The following CTNNBL1 variants were observed in gnomAD, a reference collection of about 807,000 sequenced individuals.
The protein encoded by CTNNBL1 is catenin beta like 1, also known as beta-catenin-like protein 1.
Under a neutral mutation model 72.7 loss-of-function variants are expected in CTNNBL1, and 31 were observed. The observed-to-expected ratio is 0.43, with a 90% CI of 0.32 to 0.58. The LOEUF is 0.58. CTNNBL1 is among the 20% of genes least tolerant of loss of function. CTNNBL1 has a pLI of 0.08. For synonymous variants in CTNNBL1, 240 were observed against 267.3 expected (o/e 0.90, Z 1.00); for missense variants, 534 against 725.1 (o/e 0.74, Z 3.03).
chr20:37,712,014 G>A lies in CTNNBL1; in HGVS notation c.30+17862G>A, dbSNP rs6125957. Among the ~76,000 whole-genome samples, 429 of 152,346 alleles carry A rather than the reference G, an allele frequency of 2.8e-3. 5 individuals carry two copies. Among genetic ancestry groups the A allele is most frequent in the East Asian group, 0.017 (88 of 5,178 alleles). ...TTTAAAAGATGGCTTCATCTACAGA[G>A]TGGAGAATTGTAGAGGAGCATTCTG... On this transcript the variant is annotated intron_variant, in intron 1 of 15. Transcript: ENST00000361383.
chr20:37,842,326 A>G lies in CTNNBL1; in HGVS notation c.1312-13A>G. 6.3e-7 allele frequency: 1 copy of G among 1,595,074 alleles called. No homozygotes were observed. Among genetic ancestry groups the G allele is most frequent in the East Asian group, 2.2e-5 (1 of 44,788 alleles). ...TTTCCTTCTCACTCAAGCCTGTGAA[A>G]TCTCTCTTTCAGGTTGACAGACTAA... is the stretch of plus-strand genomic sequence containing the variant. On this transcript the variant is annotated splice_polypyrimidine_tract_variant and intron_variant, in intron 12 of 15. Coordinates refer to ENST00000361383, the MANE Select transcript of CTNNBL1 (RefSeq NM_030877.5).
intron 11 of CTNNBL1, among the ~76,000 whole-genome samples, chr20:37,828,427 T>A (rs532718191): frequency 6.6e-6 from 1 of 152,174 alleles, no homozygotes; most frequent in Non-Finnish European, 1.5e-5. Context: ...ATATTTTAAC[T>A]CTTGAGGAAA....
intron 13 of CTNNBL1, among the ~76,000 whole-genome samples, chr20:37,852,501 T>C (rs966337734): frequency 4.6e-5 from 7 of 152,192 alleles, no homozygotes; most frequent in African/African-American, 1.7e-4. Flanking sequence ...GAGGCATTTC[T>C]CATAGTGGCT....
chr20:37,800,019 A>T (rs2073810809), intron 10 of CTNNBL1, among the ~76,000 whole-genome samples: 1 of 152,204 alleles, frequency 6.6e-6, no homozygotes, highest in South Asian at 2.1e-4. Flanking sequence ...CTGGCTGGCT[A>T]GTCTGACCCA....
intron 1 of CTNNBL1, among the ~76,000 whole-genome samples, chr20:37,709,114 C>A (rs2072915326): frequency 6.6e-6 from 1 of 151,798 alleles, no homozygotes; most frequent in Non-Finnish European, 1.5e-5. Context: ...TCCAGCCTGG[C>A]AACAGAGCAA....
At chr20:37,732,009 A>G (rs1600450676) in intron 1 of CTNNBL1, among the ~76,000 whole-genome samples, 1 of 152,118 alleles carries the variant, frequency 6.6e-6, no homozygotes, top group Admixed American at 6.5e-5. Flanking sequence ...TCATGGCTGT[A>G]TTAATTTGTG....
intron 10 of CTNNBL1, among the ~76,000 whole-genome samples, chr20:37,787,435 C>G (rs531898592): frequency 2.0e-5 from 3 of 149,238 alleles, no homozygotes; most frequent in Non-Finnish European, 4.4e-5. Context: ...AGCTCCGCCT[C>G]CCGGGTTCAC....
At chr20:37,795,801 GA>G (rs1238959377) in intron 10 of CTNNBL1, among the ~76,000 whole-genome samples, 6 of 149,124 alleles carry the variant, frequency 4.0e-5, no homozygotes, top group African/African-American at 9.9e-5. Context: ...TTTTACTGAT[GA>G]TTTTTTTTCT....
chr20:37,794,746 C>T (rs1474048092), intron 10 of CTNNBL1, among the ~76,000 whole-genome samples: 1 of 152,112 alleles, frequency 6.6e-6, no homozygotes, highest in East Asian at 1.9e-4. Flanking sequence ...AAGTGATCTT[C>T]CTGCCTCAGT....
At chr20:37,856,094 G>C (rs1327166015) in intron 13 of CTNNBL1, among the ~76,000 whole-genome samples, 1 of 151,894 alleles carries the variant, frequency 6.6e-6, no homozygotes, top group African/African-American at 2.4e-5. Context: ...AAAATTAGCT[G>C]GGTGTGGTGG....
intron 1 of CTNNBL1, among the ~76,000 whole-genome samples, chr20:37,709,468 C>T (rs192427329): frequency 7.9e-5 from 12 of 152,244 alleles, no homozygotes; most frequent in East Asian, 5.8e-4. Context: ...TGTTGGAATG[C>T]GATTTTCTTT....
At chr20:37,790,723 G>A (rs1372182193) in intron 10 of CTNNBL1, among the ~76,000 whole-genome samples, 1 of 152,174 alleles carries the variant, frequency 6.6e-6, no homozygotes, top group African/African-American at 2.4e-5. Flanking sequence ...GTGGTGTAAG[G>A]CCTGTCTGAG....
chr20:37,858,030 C>T (rs1472580013), intron 13 of CTNNBL1, among the ~76,000 whole-genome samples: 1 of 152,176 alleles, frequency 6.6e-6, no homozygotes, highest in African/African-American at 2.4e-5. Flanking sequence ...TGTCTCTACA[C>T]ACACAAAAAA....
intron 5 of CTNNBL1, among the ~76,000 whole-genome samples, chr20:37,760,866 A>G (rs1046911632): frequency 6.6e-6 from 1 of 152,224 alleles, no homozygotes; most frequent in Non-Finnish European, 1.5e-5. Context: ...GTGAATATTG[A>G]GTTCACAAAC....
At position 37,764,490 on chromosome 20, in the gene CTNNBL1, T is replaced by TCTTGG. The variant is rs528033620; in HGVS notation, c.565-704_565-700dup. On this transcript the variant is annotated intron_variant, in intron 5 of 15. Transcript: ENST00000361383. ...CCTCCACTGCTCCATAGCTGTGTAG[T>TCTTGG]CTTGGCTGAGTCACTAATGTCTTGA... is the stretch of plus-strand genomic sequence containing the variant. Among the ~76,000 whole-genome samples, 1,426 of 152,028 alleles carry TCTTGG rather than the reference T, an allele frequency of 9.4e-3. 14 individuals are homozygous for TCTTGG. The highest frequency in any genetic ancestry group is 0.026 in the South Asian group (125 of 4,800).
intron 13 of CTNNBL1, among the ~76,000 whole-genome samples, chr20:37,857,376 G>T (rs933625860): frequency 6.6e-6 from 1 of 152,168 alleles, no homozygotes; most frequent in Non-Finnish European, 1.5e-5. Flanking sequence ...TTCAGGTTTT[G>T]TCAGGGGCGC....
At chr20:37,763,740 G>C (rs1448477348) in intron 5 of CTNNBL1, among the ~76,000 whole-genome samples, 2 of 152,136 alleles carry the variant, frequency 1.3e-5, no homozygotes, top group East Asian at 3.8e-4. Context: ...GGGATTATGG[G>C]AAAAAGTAGA....
rs6125964 is a variant in CTNNBL1, at chr20:37,713,133, A to C, written c.30+18981A>C. 2.8e-3 allele frequency among the ~76,000 whole-genome samples: 428 copies of C among 152,234 alleles called. 5 individuals carry two copies. Among genetic ancestry groups the C allele is most frequent in the East Asian group, 0.017 (88 of 5,186 alleles). ...GCTTCAGCCCCATTTTTTTTGACTGAAGATTTCTTTTTCCATTCCCACAAA... is the reference window on the plus strand; with the variant it reads ...GCTTCAGCCCCATTTTTTTTGACTGCAGATTTCTTTTTCCATTCCCACAAA... On this transcript the variant is annotated intron_variant, in intron 1 of 15. Coordinates refer to ENST00000361383, the MANE Select transcript of CTNNBL1 (RefSeq NM_030877.5).
At chr20:37,850,206 T>A (rs2072384392) in intron 13 of CTNNBL1, among the ~76,000 whole-genome samples, 1 of 152,166 alleles carries the variant, frequency 6.6e-6, no homozygotes. Context: ...GTTTTTTTTT[T>A]AGCGGGGGAT....
Sources: gnomAD v4.1 joint callset for allele counts (sites outside exome capture counted in the v4.1 genomes callset) on GRCh38, gnomAD v4.1.1 for gene constraint, MANE v1.5 for transcripts, NCBI Gene and HGNC (gene_info 2026-07-23, HGNC 2026-07-21) for gene names.